The following ATP10A variants were observed in gnomAD, a reference collection of about 807,000 sequenced individuals.
The protein encoded by ATP10A is ATPase phospholipid transporting 10A (putative).
Under a neutral mutation model 147.8 loss-of-function variants are expected in ATP10A, and 111 were observed. The observed-to-expected ratio is 0.75, with a 90% CI of 0.64 to 0.88. The LOEUF is 0.88. ATP10A is among the 40% of genes least tolerant of loss of function. The pLI, the probability that ATP10A is intolerant of heterozygous loss-of-function variation, is 0.00. For missense variants in ATP10A, 1,927 were observed against 1,959.0 expected (o/e 0.98, Z 0.31); for synonymous variants, 875 against 841.6 (o/e 1.04, Z -0.69).
At chr15:25,762,336 G>A (rs929600977) in intron 2 of ATP10A, among the ~76,000 whole-genome samples, 1 of 152,146 alleles carries the variant, frequency 6.6e-6, no homozygotes, top group Non-Finnish European at 1.5e-5. Context: ...GAACGCAGTG[G>A]CACAATCATG....
At position 25,727,150 on chromosome 15, in the gene ATP10A, C is replaced by A; in HGVS notation, c.847+10G>T. On this transcript the variant is annotated intron_variant, in intron 4 of 20. Coordinates refer to ENST00000555815, the MANE Select transcript of ATP10A (RefSeq NM_024490.4). Reference sequence around the variant, plus strand: ...TCTGGCGGCAGGTGGTGCCAGGTGCCCGAGCCTACCTGCGTAGATGACAAT... The same window carrying A: ...TCTGGCGGCAGGTGGTGCCAGGTGCACGAGCCTACCTGCGTAGATGACAAT... 6.2e-7 allele frequency: 1 copy of A among 1,611,056 alleles called. No individual in the cohort carries two copies. The highest frequency in any genetic ancestry group is 8.5e-7 in the Non-Finnish European group (1 of 1,177,224).
At position 25,811,396 on chromosome 15, in the gene ATP10A, G is replaced by A. The variant is rs1282819771; in HGVS notation, c.450-30173C>T. 2.0e-5 allele frequency among the ~76,000 whole-genome samples: 3 copies of A among 152,298 alleles called. No homozygotes were observed. In the South Asian group the frequency reaches 6.2e-4, roughly 32 times the overall value. On this transcript the variant is annotated intron_variant, in intron 1 of 20. Coordinates refer to ENST00000555815, the MANE Select transcript of ATP10A (RefSeq NM_024490.4). The stretch of plus-strand genomic sequence containing the variant: ...ATAAGGCAGAGCTGGGAGAAGAAAG[G>A]AGAGGAGGAAACAAAAAAAGGAACA...
At chr15:25,743,452 A>G (rs993291843) in intron 2 of ATP10A, among the ~76,000 whole-genome samples, 1 of 152,024 alleles carries the variant, frequency 6.6e-6, no homozygotes, top group African/African-American at 2.4e-5. Flanking sequence ...ATTTAACAAG[A>G]AAGTGAAGAA....
chr15:25,770,293 TGAGCAGCGACAGCAATGGTGACG>T (rs1567370738), intron 2 of ATP10A, among the ~76,000 whole-genome samples: 1 of 152,190 alleles, frequency 6.6e-6, no homozygotes, highest in Admixed American at 6.5e-5. Flanking sequence ...CCAATCAGCC[TGAGCAGCGACAGCAATGGTGACG>T]CTGCTCTGCA....
At chr15:25,744,118 A>G (rs1044211538) in intron 2 of ATP10A, among the ~76,000 whole-genome samples, 2 of 152,156 alleles carry the variant, frequency 1.3e-5, no homozygotes, top group African/African-American at 4.8e-5. Context: ...ACTGCGGGAA[A>G]GAGCTTCAAC....
Position 25,781,076 on chromosome 15 carries a change from G to A in ATP10A, c.597C>T (p.Asn199=). Residue 199 remains asparagine, a synonymous_variant, in exon 2 of 21, where the codon AAC becomes AAT. Transcript: ENST00000555815. The part of the protein sequence containing the change: ...PDGLCHIETA[N]LDGETNLKRR... ...GCTTCAGGTTGGTCTCTCCATCCAG[G>A]TTGGCGGTCTCGATGTGGCATAGCC... 1.2e-6 allele frequency: 2 copies of A among 1,614,206 alleles called. No individual in the cohort carries two copies. The highest frequency in any genetic ancestry group is 1.7e-6 in the Non-Finnish European group (2 of 1,180,036).
Position 25,679,666 on chromosome 15 carries a change from GC to G in ATP10A, c.4174del (p.Ala1392ProfsTer12), listed in dbSNP as rs1161534766. 6.2e-7 allele frequency: 1 copy of G among 1,613,132 alleles called. No homozygotes were observed. Among genetic ancestry groups the G allele is most frequent in the African/African-American group, 1.3e-5 (1 of 74,922 alleles). ...CTCCCCTGGCGCAGAGGACATGGGG[GC>G]CGGTGCGCTCAGCCCCTCCAGCAGG... ...HTLLEGLSAPAPMSSAPGEAV... is the reference protein window; with the variant it reads ...HTLLEGLSAPXPMSSAPGEAV... On this transcript the variant is annotated frameshift_variant, in exon 21 of 21. Transcript: ENST00000555815. LOFTEE classifies it high-confidence loss of function.
rs1254549703 is a variant in ATP10A at position 25,718,211 on chromosome 15, A to G, written c.1552T>C (p.Ser518Pro). The change falls in exon 8 of 21, where the codon TCC (serine) becomes CCC (proline). Residue 518 changes from serine (S) to proline (P), a missense_variant. Ser to Pro is a moderately conservative substitution (Grantham distance 74, BLOSUM62 -1). Transcript: ENST00000555815. ...RAEAKRASMLSKHTAFSSPME... is the reference protein window; with the variant it reads ...RAEAKRASMLPKHTAFSSPME... ...GGGCTGCTGAAGGCCGTGTGCTTGGACAGCATGCTGGCCCTCTTGGCCTCG... is the reference window on the plus strand; with the variant it reads ...GGGCTGCTGAAGGCCGTGTGCTTGGGCAGCATGCTGGCCCTCTTGGCCTCG... 3 of 1,613,050 alleles carry G rather than the reference A, an allele frequency of 1.9e-6. No individual in the cohort carries two copies. Among genetic ancestry groups the G allele is most frequent in the Admixed American group, 3.3e-5 (2 of 60,010 alleles).
chr15:25,716,984 C>T (rs758605493), intron 8 of ATP10A, 60 bp from the exon 9 acceptor site: 10 of 1,367,042 alleles, frequency 7.3e-6, no homozygotes, highest in South Asian at 4.7e-5. Context: ...GATCTTGGGG[C>T]GTGACTATTT....
intron 3 of ATP10A, 114 bp downstream of exon 3, chr15:25,735,942 T>C (rs1217496456): frequency 5.1e-6 from 5 of 974,204 alleles, no homozygotes; most frequent in Non-Finnish European, 8.1e-6. Flanking sequence ...CCCAAACAGC[T>C]ACACCATGTG....
chr15:25,862,731 C>T lies in ATP10A; in HGVS notation c.366G>A (p.Thr122=), dbSNP rs774170767. 1.9e-6 allele frequency: 3 copies of T among 1,612,016 alleles called. No homozygotes were observed. Among genetic ancestry groups the T allele is most frequent in the East Asian group, 2.2e-5 (1 of 44,778 alleles). Residue 122 remains threonine, a synonymous_variant, in exon 1 of 21, where the codon ACG becomes ACA. Coordinates refer to ENST00000555815, the MANE Select transcript of ATP10A (RefSeq NM_024490.4). The stretch of plus-strand genomic sequence containing the variant: ...AGTCCTCCCACAGGTCCCTGAAGGC[C>T]GTGATGGCCAGGATGAAGAGCACCG... ...LAPVLFILAI[T]AFRDLWEDYS... is the part of the protein sequence containing the mutation.
chr15:25,827,713 G>A (rs555677361), intron 1 of ATP10A, among the ~76,000 whole-genome samples: 3 of 152,216 alleles, frequency 2.0e-5, no homozygotes, highest in South Asian at 2.1e-4. Flanking sequence ...CAAAAAAGGC[G>A]GCAGTAATGG....
Position 25,687,948 on chromosome 15 carries a change from G to A in ATP10A, c.3166-120C>T, listed in dbSNP as rs761352615. 6.3e-6 allele frequency: 9 copies of A among 1,417,656 alleles called. No individual in the cohort carries two copies. In the African/African-American group the frequency reaches 7.1e-5, roughly 11 times the overall value. The allele number at this position is 1,417,656 out of a possible 1,614,324, so 87.8% of individuals were successfully genotyped here. ...AAAATCCCCATTCTGAACACAGTGCGAGCGTGGCCGGCCAGGGTCTCCATC... is the reference window on the plus strand; with the variant it reads ...AAAATCCCCATTCTGAACACAGTGCAAGCGTGGCCGGCCAGGGTCTCCATC... On this transcript the variant is annotated intron_variant, in intron 15 of 20. Transcript: ENST00000555815.
chr15:25,748,055 C>T lies in ATP10A; in HGVS notation c.655-11914G>A, dbSNP rs112511275. ...TTGGCTCACTGCAAGCTCTGCCTCC[C>T]GGGTTCATGCCATTCTCCTGCCTCA... On this transcript the variant is annotated intron_variant, in intron 2 of 20. Coordinates refer to ENST00000555815, the MANE Select transcript of ATP10A (RefSeq NM_024490.4). Among the ~76,000 whole-genome samples, 1,361 of 152,122 alleles carry T rather than the reference C, an allele frequency of 8.9e-3. 17 individuals carry two copies. Among genetic ancestry groups the T allele is most frequent in the Non-Finnish European group, 0.013 (873 of 67,980 alleles).
At chr15:25,765,327 T>C (rs1347892820) in intron 2 of ATP10A, among the ~76,000 whole-genome samples, 2 of 152,182 alleles carry the variant, frequency 1.3e-5, no homozygotes, top group African/African-American at 4.8e-5. Context: ...CCCTTCAGCA[T>C]CAGAACTTTC....
intron 1 of ATP10A, among the ~76,000 whole-genome samples, chr15:25,845,459 G>C (rs531867589): frequency 6.6e-6 from 1 of 152,012 alleles, no homozygotes; most frequent in African/African-American, 2.4e-5. Flanking sequence ...ACTCTGCCTC[G>C]AGCTCACAGT....
chr15:25,854,678 C>G (rs1285325339), intron 1 of ATP10A, among the ~76,000 whole-genome samples: 1 of 152,170 alleles, frequency 6.6e-6, no homozygotes, highest in Non-Finnish European at 1.5e-5. Flanking sequence ...AAGAAAAGCC[C>G]AGGCTCAGAC....
At chr15:25,687,957 C>T (rs765770905) in intron 15 of ATP10A, 129 bp from the exon 16 acceptor site, 14 of 1,301,984 alleles carry the variant, frequency 1.1e-5, no homozygotes, top group South Asian at 3.7e-5. Flanking sequence ...CGAGCGTGGC[C>T]GGCCAGGGTC....
chr15:25,843,313 G>A (rs766635294), intron 1 of ATP10A, among the ~76,000 whole-genome samples: 4 of 150,558 alleles, frequency 2.7e-5, no homozygotes, highest in Non-Finnish European at 5.9e-5. Flanking sequence ...GAGGCTCCCA[G>A]GAGCACAGCT....
Sources: gnomAD v4.1 joint callset for allele counts (sites outside exome capture counted in the v4.1 genomes callset) on GRCh38, gnomAD v4.1.1 for gene constraint, MANE v1.5 for transcripts, NCBI Gene and HGNC (gene_info 2026-07-23, HGNC 2026-07-21) for gene names.